CCDC186: variants seen among roughly 807,000 people sequenced by gnomAD.
The protein encoded by CCDC186 is coiled-coil domain-containing protein 186.
Under a neutral mutation model 113.7 loss-of-function variants are expected in CCDC186, and 49 were observed. That is an observed-to-expected ratio of 0.43 (90% CI 0.34 to 0.55). The LOEUF is 0.55. CCDC186 is among the 20% of genes least tolerant of loss of function. The pLI is 0.02. For synonymous variants in CCDC186, 355 were observed against 345.8 expected (o/e 1.03, Z -0.30); for missense variants, 890 against 1,011.1 (o/e 0.88, Z 1.62).
intron 1 of CCDC186, among the ~76,000 whole-genome samples, 194 bp from the exon 2 acceptor site, chr10:114,163,523 C>A (rs971728830): frequency 4.6e-5 from 7 of 152,120 alleles, no homozygotes; most frequent in African/African-American, 1.7e-4. Flanking sequence ...AGCAGTAGGG[C>A]CACTGCAAAG....
chr10:114,149,754 CAGGAAGGAAGGA>C (rs1182536298), intron 4 of CCDC186, among the ~76,000 whole-genome samples: 13 of 60,592 alleles, frequency 2.1e-4, no homozygotes, highest in Admixed American at 1.3e-3. Context: ...GGCAGGAAGG[CAGGAAGGAAGGA>C]AGGAAGGAAG....
intron 3 of CCDC186, among the ~76,000 whole-genome samples, chr10:114,154,092 T>A (rs1260356731): frequency 2.6e-5 from 4 of 151,068 alleles, no homozygotes; most frequent in Non-Finnish European, 5.9e-5. Context: ...ACGCCTGTAG[T>A]AGCAGCTACT....
At chr10:114,136,326 T>C in intron 7 of CCDC186, 80 bp from the exon 8 acceptor site, 2 of 897,982 alleles carry the variant, frequency 2.2e-6, no homozygotes, top group Non-Finnish European at 3.6e-6. Context: ...TCTCTAATCC[T>C]AATGTAGCAT....
intron 10 of CCDC186, 106 bp from the exon 11 acceptor site, chr10:114,132,290 T>C: frequency 1.2e-6 from 1 of 804,004 alleles, no homozygotes. Flanking sequence ...GGTACTTCTA[T>C]TCATTCATCC....
intron 5 of CCDC186, among the ~76,000 whole-genome samples, chr10:114,145,318 AAAC>A (rs1196262323): frequency 5.6e-5 from 8 of 141,990 alleles, no homozygotes; most frequent in African/African-American, 2.2e-4. Context: ...GTTATCTAAT[AAAC>A]AACATGTGCC....
intron 4 of CCDC186, among the ~76,000 whole-genome samples, chr10:114,149,559 AAAGGAAAGGGAAGGGAAGGG>A (rs1564912657): frequency 0.025 from 2,142 of 86,772 alleles, 113 homozygotes; most frequent in African/African-American, 0.08. Flanking sequence ...GAAGGGAAGG[AAAGGAAAGGGAAGGGAAGGG>A]AAGGGAAGGG....
At chr10:114,127,062 A>T (rs1017313515) in intron 14 of CCDC186, among the ~76,000 whole-genome samples, 1 of 152,202 alleles carries the variant, frequency 6.6e-6, no homozygotes, top group African/African-American at 2.4e-5. Context: ...CCACAGGCAC[A>T]GCGCCTTGTA....
chr10:114,131,789 A>G (rs973928801), intron 11 of CCDC186, 140 bp downstream of exon 11: 1 of 596,916 alleles, frequency 1.7e-6, no homozygotes, highest in African/African-American at 1.9e-5. Context: ...AAAAACTGAC[A>G]TTTCTTACAG....
chr10:114,157,532 C>T (rs891122576), intron 3 of CCDC186, 22 bp downstream of exon 3: 20 of 1,576,748 alleles, frequency 1.3e-5, no homozygotes, highest in Admixed American at 2.0e-5. Context: ...GTATAGTCTT[C>T]GAAGATTTTT....
intron 6 of CCDC186, among the ~76,000 whole-genome samples, chr10:114,143,851 C>T (rs2031552668): frequency 6.6e-6 from 1 of 152,148 alleles, no homozygotes; most frequent in Non-Finnish European, 1.5e-5. Flanking sequence ...TCTTTTACTT[C>T]ACATTCTATC....
At chr10:114,133,106 A>G in intron 10 of CCDC186, among the ~76,000 whole-genome samples, 1 of 152,310 alleles carries the variant, frequency 6.6e-6, no homozygotes, top group Admixed American at 6.5e-5. Flanking sequence ...ATAGTGTGGA[A>G]AACAGATTAG....
chr10:114,142,603 A>G (rs1323812094), intron 6 of CCDC186, among the ~76,000 whole-genome samples: 1 of 152,230 alleles, frequency 6.6e-6, no homozygotes, highest in Non-Finnish European at 1.5e-5. Context: ...GTTAAATCCC[A>G]AAGGAGTTTA....
chr10:114,164,066 G>GTGTGTA (rs991004258), intron 1 of CCDC186, among the ~76,000 whole-genome samples: 4 of 25,686 alleles, frequency 1.6e-4, no homozygotes, highest in African/African-American at 1.4e-3. Flanking sequence ...CCAAGTTAGA[G>GTGTGTA]TGTGTGTGTG....
At chr10:114,129,810 G>C (rs2031029631) in intron 13 of CCDC186, 81 bp downstream of exon 13, 1 of 1,242,426 alleles carries the variant, frequency 8.0e-7, no homozygotes, top group Non-Finnish European at 1.2e-6. Flanking sequence ...GATTACAGGT[G>C]TGAGCCATCA....
intron 2 of CCDC186, chr10:114,161,963 G>A (rs1289055673): frequency 6.6e-6 from 1 of 152,164 alleles, no homozygotes; most frequent in East Asian, 1.9e-4. Flanking sequence ...ACCTACATGA[G>A]GTATCATGAG....
intron 4 of CCDC186, among the ~76,000 whole-genome samples, chr10:114,149,626 AGGGAG>A (rs1564912742): frequency 0.028 from 66 of 2,334 alleles, 1 homozygote; most frequent in African/African-American, 0.12. Context: ...AGGGAAGGAA[AGGGAG>A]GGGAGGGGAG....
chr10:114,145,895 C>A, intron 4 of CCDC186, 134 bp from the exon 5 acceptor site: 1 of 775,158 alleles, frequency 1.3e-6, no homozygotes, highest in Non-Finnish European at 1.9e-6. Flanking sequence ...GGACTTGTGC[C>A]ATGAAATTTT....
intron 3 of CCDC186, among the ~76,000 whole-genome samples, chr10:114,154,739 A>G (rs2119816746): frequency 6.6e-6 from 1 of 152,358 alleles, no homozygotes; most frequent in South Asian, 2.1e-4. Context: ...AAATGAAAGC[A>G]TATGTACACA....
intron 10 of CCDC186, among the ~76,000 whole-genome samples, chr10:114,134,690 T>C (rs1431731730): frequency 6.6e-6 from 1 of 152,156 alleles, no homozygotes; most frequent in African/African-American, 2.4e-5. Flanking sequence ...GTCTTATAAA[T>C]TGCCACTACC....
Sources: gnomAD v4.1 joint callset for allele counts (sites outside exome capture counted in the v4.1 genomes callset) on GRCh38, gnomAD v4.1.1 for gene constraint, MANE v1.5 for transcripts, NCBI Gene and HGNC (gene_info 2026-07-23, HGNC 2026-07-21) for gene names.